TRAPPC9: variants seen among roughly 807,000 people sequenced by gnomAD.
The protein encoded by TRAPPC9 is trafficking protein particle complex subunit 9, also known as IKK2 binding protein.
In TRAPPC9, 83 loss-of-function variants were observed where a neutral mutation model predicts 124.0. The observed-to-expected ratio is 0.67, with a 90% confidence interval of 0.56 to 0.80. The LOEUF (loss-of-function observed/expected upper bound fraction) is 0.80. Ranked by LOEUF, TRAPPC9 falls within the 30% of genes least tolerant of loss-of-function variation. The probability of loss-of-function intolerance (pLI) is 0.00; values close to 1 mark genes in which losing one functional copy is unlikely to be tolerated. For missense variants in TRAPPC9, 1,302 were observed against 1,508.3 expected (o/e 0.86, Z 2.27); for synonymous variants, 638 against 617.5 (o/e 1.03, Z -0.49).
At chr8:140,243,767 T>C (rs1416959164) in intron 16 of TRAPPC9, among the ~76,000 whole-genome samples, 1 of 152,238 alleles carries the variant, frequency 6.6e-6, no homozygotes, top group African/African-American at 2.4e-5. Context: ...TCCACCAGAA[T>C]TGTGACATTC....
At chr8:139,826,396 G>T (rs1240590774) in intron 21 of TRAPPC9, among the ~76,000 whole-genome samples, 2 of 152,200 alleles carry the variant, frequency 1.3e-5, no homozygotes, top group African/African-American at 2.4e-5. Context: ...GGCTGCAGGA[G>T]CCGGCCGGGT....
intron 4 of TRAPPC9, among the ~76,000 whole-genome samples, chr8:140,426,851 A>C (rs1191643034): frequency 6.6e-6 from 1 of 152,042 alleles, no homozygotes; most frequent in Non-Finnish European, 1.5e-5. Flanking sequence ...ACTATTACTC[A>C]TACCCTAAAC....
At chr8:139,820,825 T>C (rs1825205945) in intron 21 of TRAPPC9, among the ~76,000 whole-genome samples, 1 of 152,216 alleles carries the variant, frequency 6.6e-6, no homozygotes, top group African/African-American at 2.4e-5. Flanking sequence ...CAACTGGTCC[T>C]GGCATAACAA....
intron 17 of TRAPPC9, among the ~76,000 whole-genome samples, chr8:140,054,873 A>T (rs1842210948): frequency 6.6e-6 from 1 of 152,218 alleles, no homozygotes; most frequent in Non-Finnish European, 1.5e-5. Flanking sequence ...CCTCAACAGA[A>T]TCACAACTAG....
intron 5 of TRAPPC9, among the ~76,000 whole-genome samples, chr8:140,407,343 CTTGAT>C (rs1274503288): frequency 2.7e-5 from 4 of 145,742 alleles, no homozygotes; most frequent in African/African-American, 1.0e-4. Context: ...GACAAGGAGT[CTTGAT>C]TTATTTCATT....
intron 16 of TRAPPC9, among the ~76,000 whole-genome samples, chr8:140,223,373 T>C (rs1268102501): frequency 2.0e-5 from 3 of 152,252 alleles, no homozygotes; most frequent in Admixed American, 1.3e-4. Context: ...CTGGCAGTCA[T>C]TGATCCTAGG....
intron 15 of TRAPPC9, among the ~76,000 whole-genome samples, chr8:140,261,050 C>G (rs1388408981): frequency 1.3e-5 from 2 of 152,212 alleles, no homozygotes. Flanking sequence ...AGTCACATGT[C>G]CTCTGTCATC....
chr8:140,429,084 T>C (rs2070533911), intron 4 of TRAPPC9, among the ~76,000 whole-genome samples: 6 of 115,628 alleles, frequency 5.2e-5, no homozygotes, highest in Admixed American at 5.0e-4. Flanking sequence ...TTTTCTGTTT[T>C]TGTTTTTTTT....
At chr8:139,867,347 T>C (rs1344803954) in intron 21 of TRAPPC9, among the ~76,000 whole-genome samples, 1 of 152,130 alleles carries the variant, frequency 6.6e-6, no homozygotes, top group African/African-American at 2.4e-5. Flanking sequence ...AAATAACTAA[T>C]AATAGCAATG....
chr8:139,948,422 C>T (rs965847529), intron 19 of TRAPPC9, among the ~76,000 whole-genome samples: 1 of 152,286 alleles, frequency 6.6e-6, no homozygotes, highest in African/African-American at 2.4e-5. Flanking sequence ...GGAGCGCAGA[C>T]AGCAAATGCT....
chr8:140,361,595 T>A (rs1041925127), intron 8 of TRAPPC9, among the ~76,000 whole-genome samples: 3 of 152,244 alleles, frequency 2.0e-5, no homozygotes, highest in Admixed American at 2.0e-4. Context: ...TCAATGAATA[T>A]AATGTGGTTA....
chr8:140,272,084 T>G (rs993099761), intron 15 of TRAPPC9, among the ~76,000 whole-genome samples: 7 of 65,774 alleles, frequency 1.1e-4, no homozygotes, highest in Non-Finnish European at 1.8e-4. Flanking sequence ...TGGTGGTGGT[T>G]GTGTTGATGA....
intron 17 of TRAPPC9, among the ~76,000 whole-genome samples, chr8:140,082,532 G>A (rs1022098482): frequency 6.6e-6 from 1 of 152,140 alleles, no homozygotes; most frequent in African/African-American, 2.4e-5. Context: ...ATTAACATTA[G>A]GTGGTGACAG....
At chr8:140,112,246 G>T (rs2060791679) in intron 17 of TRAPPC9, among the ~76,000 whole-genome samples, 1 of 152,082 alleles carries the variant, frequency 6.6e-6, no homozygotes, top group African/African-American at 2.4e-5. Context: ...GAGAATTCCA[G>T]ACGATGGTGG....
At chr8:140,187,573 A>G (rs535029378) in intron 17 of TRAPPC9, among the ~76,000 whole-genome samples, 11 of 152,308 alleles carry the variant, frequency 7.2e-5, no homozygotes, top group Non-Finnish European at 1.2e-4. Context: ...CAGCCACTGT[A>G]TGTCTCTAAA....
At chr8:139,919,897 C>T (rs565796309) in intron 19 of TRAPPC9, among the ~76,000 whole-genome samples, 26 of 152,330 alleles carry the variant, frequency 1.7e-4, no homozygotes, top group African/African-American at 5.3e-4. Flanking sequence ...ACTCCAGGCG[C>T]GGCATGGCAC....
At chr8:140,364,524 C>T (rs2068052132) in intron 8 of TRAPPC9, among the ~76,000 whole-genome samples, 1 of 152,268 alleles carries the variant, frequency 6.6e-6, no homozygotes, top group South Asian at 2.1e-4. Flanking sequence ...TGAGCTTAGA[C>T]ACCCAACTCT....
chr8:140,185,654 T>C (rs4419792), intron 17 of TRAPPC9, among the ~76,000 whole-genome samples: 78,321 of 152,012 alleles, frequency 0.52, 22,218 homozygotes, highest in East Asian at 0.99. Flanking sequence ...CTCAGCCGCA[T>C]TCCCACATCA....
intron 18 of TRAPPC9, among the ~76,000 whole-genome samples, chr8:140,018,332 T>TTTTTCTTTTTTTTTTTTTTTTTA (rs1839613833): frequency 8.9e-6 from 1 of 111,918 alleles, no homozygotes; most frequent in African/African-American, 2.8e-5. Context: ...TGATTTTTTT[T>TTTTTCTTTTTTTTTTTTTTTTTA]TTTTTTTTTG....
Sources: gnomAD v4.1 joint callset for allele counts (sites outside exome capture counted in the v4.1 genomes callset) on GRCh38, gnomAD v4.1.1 for gene constraint, MANE v1.5 for transcripts, NCBI Gene and HGNC (gene_info 2026-07-23, HGNC 2026-07-21) for gene names.